CRACR2A: variants seen among roughly 807,000 people sequenced by gnomAD.
CRACR2A encodes the protein calcium release activated channel regulator 2A, also known as EF-hand calcium-binding domain-containing protein 4B.
CRACR2A carries 79 observed loss-of-function variants against 90.5 expected under a neutral mutation model. That is an observed-to-expected ratio of 0.87 (90% CI 0.73 to 1.05). The LOEUF (loss-of-function observed/expected upper bound fraction) is 1.05, where lower values mean the gene tolerates loss of function less well. Ranked by LOEUF, CRACR2A falls within the 50% of genes least tolerant of loss-of-function variation. CRACR2A has a pLI of 0.00. For synonymous variants in CRACR2A, 338 were observed against 356.7 expected, an observed-to-expected ratio of 0.95 and a Z score of 0.59; for missense variants, 823 against 897.2, an observed-to-expected ratio of 0.92 and a Z score of 1.06.
intron 3 of CRACR2A, among the ~76,000 whole-genome samples, chr12:3,702,429 T>G (rs1420559253): frequency 6.6e-6 from 1 of 152,150 alleles, no homozygotes; most frequent in Non-Finnish European, 1.5e-5. Context: ...AAAAAGCTAC[T>G]TATAAAATAA....
chr12:3,720,460 A>AAAGC (rs1198435836), intron 2 of CRACR2A, among the ~76,000 whole-genome samples: 15 of 147,734 alleles, frequency 1.0e-4, no homozygotes, highest in Non-Finnish European at 1.3e-4. Flanking sequence ...AGAAAGAAAG[A>AAAGC]AAGAAAGCAA....
At chr12:3,690,464 T>C (rs1360229609) in intron 4 of CRACR2A, among the ~76,000 whole-genome samples, 3 of 152,236 alleles carry the variant, frequency 2.0e-5, no homozygotes, top group Non-Finnish European at 4.4e-5. Flanking sequence ...TGTAATTGTA[T>C]GGTTTTTAGT....
chr12:3,631,169 C>A (rs190239117), intron 15 of CRACR2A, among the ~76,000 whole-genome samples: 3 of 152,172 alleles, frequency 2.0e-5, no homozygotes, highest in Admixed American at 6.5e-5. Flanking sequence ...AGCTGCTGCT[C>A]GAGCATGTGT....
intron 7 of CRACR2A, among the ~76,000 whole-genome samples, chr12:3,660,069 G>T (rs908903992): frequency 6.6e-6 from 1 of 152,182 alleles, no homozygotes; most frequent in Non-Finnish European, 1.5e-5. Flanking sequence ...AAGTTGCATT[G>T]TGTGGGTTTC....
chr12:3,701,870 A>G (rs1945840349), intron 3 of CRACR2A, among the ~76,000 whole-genome samples: 2 of 152,180 alleles, frequency 1.3e-5, no homozygotes, highest in South Asian at 4.1e-4. Context: ...TATTACAGAA[A>G]AAAAATAGGC....
At chr12:3,695,082 T>C (rs773586471) in intron 4 of CRACR2A, among the ~76,000 whole-genome samples, 4 of 152,178 alleles carry the variant, frequency 2.6e-5, no homozygotes, top group Non-Finnish European at 5.9e-5. Context: ...AGAGTGGAGC[T>C]CAATGAGAGT....
intron 6 of CRACR2A, 57 bp downstream of exon 6, chr12:3,678,858 C>T (rs532560371): frequency 7.6e-4 from 1,154 of 1,527,408 alleles, no homozygotes; most frequent in Non-Finnish European, 9.1e-4. Flanking sequence ...TGAATGGACA[C>T]AGGAAGAGGT....
intron 14 of CRACR2A, 126 bp downstream of exon 14, chr12:3,637,998 T>C: frequency 2.2e-6 from 2 of 904,262 alleles, no homozygotes; most frequent in South Asian, 1.8e-5. Flanking sequence ...GGAGGACACA[T>C]ATGTGGTGAA....
chr12:3,729,471 G>A (rs1338215015), intron 2 of CRACR2A: 5 of 152,230 alleles, frequency 3.3e-5, no homozygotes, highest in Admixed American at 6.5e-5. Flanking sequence ...TTGGGAGGAC[G>A]AGGCAGGCAG....
rs750935423 is a variant in CRACR2A, at chr12:3,638,431, ACCTCCT to A, written c.1289_1294del (p.Glu430_Glu431del). On this transcript the variant is annotated inframe_deletion, in exon 14 of 20. Transcript: ENST00000440314. ...GGAGCTTCTCCTTGGGATGCCAAAC[ACCTCCT>A]CCTCCTCCTCTGACTGGCTACTGGG... 6 of 1,543,846 alleles carry A rather than the reference ACCTCCT, an allele frequency of 3.9e-6. No individual in the cohort carries two copies. The African/African-American group carries it at 8.3e-5, about 21-fold the overall frequency.
chr12:3,743,203 C>T (rs185439854), intron 1 of CRACR2A, among the ~76,000 whole-genome samples: 5 of 152,174 alleles, frequency 3.3e-5, no homozygotes, highest in African/African-American at 4.8e-5. Flanking sequence ...TGTGTGACTA[C>T]GTAATGGAAG....
chr12:3,630,726 C>T lies in CRACR2A; in HGVS notation c.1735+2878G>A, dbSNP rs1012347919. Reference sequence around the variant, plus strand: ...AACCTCGCATTCTGCTAAAACCATCCGTGCTGCCTCCAGGATGCCCGCAGG... The same window carrying T: ...AACCTCGCATTCTGCTAAAACCATCTGTGCTGCCTCCAGGATGCCCGCAGG... On this transcript the variant is annotated intron_variant, in intron 15 of 19. Transcript: ENST00000440314. Among the ~76,000 whole-genome samples, 16 of 152,212 alleles carry T rather than the reference C, an allele frequency of 1.1e-4. No individual in the cohort carries two copies. In the South Asian group the frequency reaches 1.4e-3, roughly 14 times the overall value.
chr12:3,619,721 T>A (rs1463081554), intron 17 of CRACR2A, among the ~76,000 whole-genome samples: 1 of 152,210 alleles, frequency 6.6e-6, no homozygotes, highest in Non-Finnish European at 1.5e-5. Flanking sequence ...GCTGCATGCC[T>A]CCTTCCAGAG....
chr12:3,639,271 CTAAATATCTTCTAGAAGCA>C (rs1304209381), intron 13 of CRACR2A, among the ~76,000 whole-genome samples: 2 of 152,062 alleles, frequency 1.3e-5, no homozygotes, highest in African/African-American at 4.8e-5. Flanking sequence ...GCTCAGAGGC[CTAAATATCTTCTAGAAGCA>C]TTTGAGCACT....
chr12:3,621,119 T>C (rs1420491598), intron 17 of CRACR2A, among the ~76,000 whole-genome samples: 1 of 152,158 alleles, frequency 6.6e-6, no homozygotes, highest in East Asian at 1.9e-4. Flanking sequence ...GATTTATGTG[T>C]GAGGAATGAT....
chr12:3,628,227 CTCTT>C (rs150027786), intron 15 of CRACR2A, among the ~76,000 whole-genome samples: 70 of 149,634 alleles, frequency 4.7e-4, no homozygotes, highest in Non-Finnish European at 6.5e-4. Flanking sequence ...CTTCCTTTCT[CTCTT>C]TCTTTCTTTC....
intron 1 of CRACR2A, among the ~76,000 whole-genome samples, chr12:3,748,559 C>T (rs1946657714): frequency 6.6e-6 from 1 of 152,160 alleles, no homozygotes; most frequent in Admixed American, 6.5e-5. Context: ...CTGGAAGAGG[C>T]CCTGGAGATA....
At position 3,633,636 on chromosome 12, in the gene CRACR2A, TC is replaced by T. The variant is rs1377176690; in HGVS notation, c.1702del (p.Asp568ThrfsTer17). On this transcript the variant is annotated frameshift_variant, in exon 15 of 20. Transcript: ENST00000440314. LOFTEE classifies it high-confidence loss of function. This position sits in a 1 kb window ranked among gnomAD's most constrained non-coding sequence, Gnocchi z 4.5. ...KTSFLRRFCEDRFSPGMAATV... is the reference protein window; with the variant it reads ...KTSFLRRFCEXRFSPGMAATV... The stretch of plus-strand genomic sequence containing the variant: ...GGCCGCCATGCCTGGGGAGAACCGG[TC>T]CTCACAGAATCTCCTCAGGAAGGAT... 1 of 1,551,582 alleles carries T rather than the reference TC, an allele frequency of 6.4e-7. No homozygotes were observed. The highest frequency in any genetic ancestry group is 2.4e-5 in the East Asian group (1 of 40,892).
chr12:3,725,561 C>CT (rs375473522), intron 2 of CRACR2A, among the ~76,000 whole-genome samples: 1 of 152,162 alleles, frequency 6.6e-6, no homozygotes, highest in African/African-American at 2.4e-5. Flanking sequence ...TGCAAAGACT[C>CT]TTTTTTCCAA....
Sources: gnomAD v4.1 joint callset for allele counts (sites outside exome capture counted in the v4.1 genomes callset) on GRCh38, gnomAD v4.1.1 for gene constraint, Gnocchi (gnomAD v3.1) non-coding constraint, MANE v1.5 for transcripts, NCBI Gene and HGNC (gene_info 2026-07-23, HGNC 2026-07-21) for gene names.